Variants in CCDC178 observed in about 807,000 individuals in gnomAD.
CCDC178 encodes the protein coiled-coil domain-containing protein 178.
CCDC178 carries 126 observed loss-of-function variants against 117.4 expected under a neutral mutation model. The ratio of observed to expected loss-of-function variants is 1.07; its 90% CI spans 0.93 to 1.24. CCDC178 has a LOEUF of 1.24. CCDC178 is among the 50% of genes most tolerant of loss of function. The probability of loss-of-function intolerance (pLI) is 0.00; values close to 1 mark genes in which losing one functional copy is unlikely to be tolerated. For missense variants in CCDC178, 1,030 were observed against 986.9 expected, an observed-to-expected ratio of 1.04 and a Z score of -0.59; for synonymous variants, 283 against 313.4, an observed-to-expected ratio of 0.90 and a Z score of 1.02.
chr18:33,272,259 G>A (rs1428667237), intron 12 of CCDC178, among the ~76,000 whole-genome samples: 1 of 151,250 alleles, frequency 6.6e-6, no homozygotes, highest in Non-Finnish European at 1.5e-5. Flanking sequence ...GATTATAAGA[G>A]AATATTATAA....
At chr18:33,218,614 G>T (rs986247619) in intron 18 of CCDC178, among the ~76,000 whole-genome samples, 53 of 152,096 alleles carry the variant, frequency 3.5e-4, no homozygotes, top group Middle Eastern at 3.4e-3. Flanking sequence ...AATCCATCTT[G>T]AATTAATTTT....
At chr18:32,989,755 T>C (rs1036290977) in intron 21 of CCDC178, among the ~76,000 whole-genome samples, 20 of 152,104 alleles carry the variant, frequency 1.3e-4, no homozygotes, top group Non-Finnish European at 2.9e-5. Flanking sequence ...ATTTGGCCAG[T>C]GAGCTGTAGT....
At chr18:33,372,604 T>C (rs1188985725) in intron 5 of CCDC178, among the ~76,000 whole-genome samples, 1 of 152,100 alleles carries the variant, frequency 6.6e-6, no homozygotes, top group African/African-American at 2.4e-5. Context: ...TGACTCCAAC[T>C]TCCTTGCCCA....
At chr18:33,077,854 AG>A (rs2057236118) in intron 21 of CCDC178, among the ~76,000 whole-genome samples, 1 of 152,208 alleles carries the variant, frequency 6.6e-6, no homozygotes, top group African/African-American at 2.4e-5. Context: ...CAGGTGTACA[AG>A]GAAGAGCTGG....
chr18:33,362,804 T>C (rs567642367), intron 6 of CCDC178, among the ~76,000 whole-genome samples: 20 of 152,118 alleles, frequency 1.3e-4, no homozygotes, highest in African/African-American at 4.8e-4. Flanking sequence ...TATGGGGTTT[T>C]ATTCTGGAGT....
chr18:33,278,993 A>G (rs1054375455), intron 12 of CCDC178, among the ~76,000 whole-genome samples: 1 of 152,098 alleles, frequency 6.6e-6, no homozygotes, highest in Non-Finnish European at 1.5e-5. Context: ...CCCACAGCCA[A>G]TATCATACTG....
chr18:33,030,927 C>CT (rs2056329941), intron 21 of CCDC178, among the ~76,000 whole-genome samples: 1 of 152,128 alleles, frequency 6.6e-6, no homozygotes, highest in African/African-American at 2.4e-5. Context: ...CAGTCCAAGC[C>CT]TGAAGGCCTC....
chr18:33,428,297 C>G (rs1267623485), intron 2 of CCDC178, among the ~76,000 whole-genome samples: 1 of 151,976 alleles, frequency 6.6e-6, no homozygotes, highest in Non-Finnish European at 1.5e-5. Context: ...AGTCTTAACC[C>G]AAGAAAAACA....
chr18:33,038,066 T>C (rs1425197871), intron 21 of CCDC178, among the ~76,000 whole-genome samples: 1 of 151,838 alleles, frequency 6.6e-6, no homozygotes, highest in African/African-American at 2.4e-5. Flanking sequence ...CACCTCCCAG[T>C]TTTTTCAATA....
intron 20 of CCDC178, among the ~76,000 whole-genome samples, chr18:33,139,201 G>A (rs578173942): frequency 1.3e-5 from 2 of 152,270 alleles, no homozygotes; most frequent in Admixed American, 6.5e-5. Flanking sequence ...TGATTGTGAG[G>A]CCATGTGGAA....
chr18:33,219,685 A>C (rs2059208075), intron 18 of CCDC178, among the ~76,000 whole-genome samples: 3 of 152,128 alleles, frequency 2.0e-5, no homozygotes, highest in Admixed American at 2.0e-4. Flanking sequence ...ACAGAAAACC[A>C]AACACCACAT....
intron 9 of CCDC178, among the ~76,000 whole-genome samples, chr18:33,341,809 T>C (rs2062820811): frequency 6.6e-6 from 1 of 152,160 alleles, no homozygotes; most frequent in Admixed American, 6.5e-5. Flanking sequence ...CAGTCTCAGG[T>C]ATGTCTTTAT....
At chr18:33,224,673 A>C in intron 17 of CCDC178, 102 bp downstream of exon 17, 3 of 699,744 alleles carry the variant, frequency 4.3e-6, no homozygotes, top group Non-Finnish European at 6.4e-6. Flanking sequence ...GTTTGCCCCT[A>C]TGTGAAATCA....
chr18:33,432,161 T>C (rs980314908), intron 2 of CCDC178, among the ~76,000 whole-genome samples: 29 of 152,142 alleles, frequency 1.9e-4, no homozygotes, highest in African/African-American at 6.8e-4. Context: ...AGATGACACA[T>C]GGCAGGAGGG....
intron 15 of CCDC178, among the ~76,000 whole-genome samples, chr18:33,231,171 A>G (rs4455039): frequency 0.16 from 24,421 of 152,096 alleles, 2,725 homozygotes; most frequent in African/African-American, 0.32. Flanking sequence ...ACAAACATAG[A>G]CCATGTGCTT....
chr18:33,194,918 AAGAG>A (rs1035551060), intron 20 of CCDC178, among the ~76,000 whole-genome samples: 97 of 144,294 alleles, frequency 6.7e-4, no homozygotes, highest in African/African-American at 2.2e-3. Context: ...AAAAAAAAAA[AAGAG>A]AGAGAGAGAG....
At chr18:33,404,019 C>G (rs928715458) in intron 3 of CCDC178, among the ~76,000 whole-genome samples, 1 of 152,038 alleles carries the variant, frequency 6.6e-6, no homozygotes, top group African/African-American at 2.4e-5. Flanking sequence ...ACCACTACCC[C>G]TCAAGGGAAA....
At chr18:33,050,061 A>T (rs760635639) in intron 21 of CCDC178, among the ~76,000 whole-genome samples, 111 of 152,294 alleles carry the variant, frequency 7.3e-4, no homozygotes, top group Middle Eastern at 3.4e-3. Context: ...AGCCTGGGTG[A>T]CAGAGCAAGA....
chr18:33,270,210 G>GA (rs1159696087), intron 12 of CCDC178, among the ~76,000 whole-genome samples: 1 of 151,050 alleles, frequency 6.6e-6, no homozygotes, highest in African/African-American at 2.4e-5. Flanking sequence ...AAAAAATAAA[G>GA]AAAAATGAAC....
Sources: gnomAD v4.1 joint callset for allele counts (sites outside exome capture counted in the v4.1 genomes callset) on GRCh38, gnomAD v4.1.1 for gene constraint, MANE v1.5 for transcripts, NCBI Gene and HGNC (gene_info 2026-07-23, HGNC 2026-07-21) for gene names.